PARD3B: variants seen among roughly 807,000 people sequenced by gnomAD.
The protein encoded by PARD3B is partitioning defective 3 homolog B.
In PARD3B, 103 loss-of-function variants were observed where a neutral mutation model predicts 130.2. The ratio of observed to expected loss-of-function variants is 0.79; its 90% CI spans 0.67 to 0.93. The LOEUF (loss-of-function observed/expected upper bound fraction) is 0.93, where lower values mean the gene tolerates loss of function less well. Ranked by LOEUF, PARD3B falls within the 40% of genes least tolerant of loss-of-function variation. The pLI, the probability that PARD3B is intolerant of heterozygous loss-of-function variation, is 0.00. For missense variants in PARD3B, 1,609 were observed against 1,499.2 expected, an observed-to-expected ratio of 1.07 and a Z score of -1.21; for synonymous variants, 583 against 553.2, an observed-to-expected ratio of 1.05 and a Z score of -0.76.
chr2:204,834,937 T>TA (rs980811491), intron 2 of PARD3B, among the ~76,000 whole-genome samples: 18 of 152,368 alleles, frequency 1.2e-4, no homozygotes, highest in African/African-American at 4.3e-4. Flanking sequence ...GCACTAGGTT[T>TA]AGAGCTAGAA....
intron 9 of PARD3B, among the ~76,000 whole-genome samples, chr2:205,124,862 T>A (rs1271907556): frequency 6.6e-6 from 1 of 152,198 alleles, no homozygotes; most frequent in Non-Finnish European, 1.5e-5. Context: ...GTATCTCAGG[T>A]CATTCTATGC....
chr2:204,971,645 G>A (rs985176818), intron 3 of PARD3B, among the ~76,000 whole-genome samples: 1 of 150,688 alleles, frequency 6.6e-6, no homozygotes, highest in African/African-American at 2.4e-5. Context: ...CTCCATGAAG[G>A]CTTAAATGAA....
chr2:205,099,944 A>G (rs1206468328), intron 4 of PARD3B, among the ~76,000 whole-genome samples: 1 of 152,196 alleles, frequency 6.6e-6, no homozygotes, highest in Non-Finnish European at 1.5e-5. Context: ...TAAAGTCTGT[A>G]GTCATTGACA....
At chr2:204,965,047 G>A (rs1214995664) in intron 2 of PARD3B, 105 bp from the exon 3 acceptor site, 4 of 1,042,234 alleles carry the variant, frequency 3.8e-6, no homozygotes, top group Non-Finnish European at 5.5e-6. Context: ...TAAGTTTGAT[G>A]AGGCGATTTT....
At chr2:205,419,999 G>A (rs1171644987) in intron 19 of PARD3B, among the ~76,000 whole-genome samples, 1 of 152,120 alleles carries the variant, frequency 6.6e-6, no homozygotes, top group African/African-American at 2.4e-5. Context: ...CAAGAGATTC[G>A]AACCAAAAGC....
chr2:204,793,870 T>C (rs193086785), intron 2 of PARD3B, among the ~76,000 whole-genome samples: 1 of 152,270 alleles, frequency 6.6e-6, no homozygotes, highest in Non-Finnish European at 1.5e-5. Context: ...CATGTCAAAA[T>C]AAATTTCTGA....
At chr2:205,480,794 A>G (rs2049204844) in intron 20 of PARD3B, among the ~76,000 whole-genome samples, 1 of 152,172 alleles carries the variant, frequency 6.6e-6, no homozygotes. Flanking sequence ...AAGTTGATAC[A>G]TTCAGGGGGT....
At chr2:205,119,161 A>G (rs2030320559) in intron 7 of PARD3B, 115 bp downstream of exon 7, 1 of 1,338,960 alleles carries the variant, frequency 7.5e-7, no homozygotes, top group South Asian at 1.7e-5. Context: ...TTCCCTTTGA[A>G]CGATCCAGGA....
intron 2 of PARD3B, among the ~76,000 whole-genome samples, chr2:204,798,155 A>G (rs2125493347): frequency 6.6e-6 from 1 of 152,292 alleles, no homozygotes; most frequent in South Asian, 2.1e-4. Context: ...GAGGGTAGGA[A>G]GGACAGTCTT....
intron 22 of PARD3B, among the ~76,000 whole-genome samples, chr2:205,565,189 C>T (rs944562994): frequency 6.6e-6 from 1 of 152,090 alleles, no homozygotes; most frequent in Non-Finnish European, 1.5e-5. Context: ...TGTCTGACAG[C>T]CCGGGTTTTA....
intron 1 of PARD3B, among the ~76,000 whole-genome samples, chr2:204,648,642 T>TCATATAAATAA (rs2035361828): frequency 2.6e-5 from 3 of 117,632 alleles, no homozygotes; most frequent in East Asian, 2.2e-4. Context: ...ATAATATATA[T>TCATATAAATAA]TATATATATA....
intron 3 of PARD3B, among the ~76,000 whole-genome samples, chr2:204,966,064 T>G (rs907964945): frequency 3.3e-5 from 5 of 152,208 alleles, no homozygotes; most frequent in African/African-American, 4.8e-5. Context: ...GCACCTGTTA[T>G]GAGGGAATTC....
At chr2:205,104,915 G>T (rs758173933) in intron 5 of PARD3B, among the ~76,000 whole-genome samples, 1 of 152,114 alleles carries the variant, frequency 6.6e-6, no homozygotes, top group Non-Finnish European at 1.5e-5. Flanking sequence ...GTGCTACTTT[G>T]TATTGTGCTT....
intron 21 of PARD3B, among the ~76,000 whole-genome samples, chr2:205,532,696 G>A (rs1055016292): frequency 1.3e-5 from 2 of 152,126 alleles, no homozygotes; most frequent in African/African-American, 2.4e-5. Context: ...AAAATCTGAG[G>A]TGCCAACACA....
intron 4 of PARD3B, among the ~76,000 whole-genome samples, chr2:205,076,146 A>G (rs530506101): frequency 1.2e-4 from 18 of 152,312 alleles, no homozygotes; most frequent in African/African-American, 3.1e-4. Flanking sequence ...TCTGAAGTGC[A>G]GGTTTAGATT....
chr2:204,703,806 G>T (rs960466701), intron 2 of PARD3B, among the ~76,000 whole-genome samples: 25 of 152,146 alleles, frequency 1.6e-4, no homozygotes, highest in African/African-American at 5.1e-4. Context: ...CTATGTTATT[G>T]TATAATTTAT....
rs2046465283 is a variant in PARD3B, at chr2:205,407,921, C to T, written c.2741+6798C>T. 6.6e-6 allele frequency among the ~76,000 whole-genome samples: 1 copy of T among 152,094 alleles called. No homozygotes were observed. The highest frequency in any genetic ancestry group is 1.5e-5 in the Non-Finnish European group (1 of 68,020). ...CATTTGTTGTATTAATTAAACATTG[C>T]TTTCGTAGATCTTACTAGAATCTTA... On this transcript the variant is annotated intron_variant, in intron 19 of 22. Transcript: ENST00000406610. This position sits in a 1 kb window ranked among gnomAD's most constrained non-coding sequence, Gnocchi z 4.1.
intron 18 of PARD3B, among the ~76,000 whole-genome samples, chr2:205,327,306 G>A (rs1382056205): frequency 3.3e-5 from 5 of 151,992 alleles, no homozygotes; most frequent in Admixed American, 1.3e-4. Context: ...CATTTTTATC[G>A]CTAACGGGGA....
intron 18 of PARD3B, among the ~76,000 whole-genome samples, chr2:205,386,749 TTG>T (rs1261856385): frequency 6.6e-6 from 1 of 151,916 alleles, no homozygotes; most frequent in Non-Finnish European, 1.5e-5. Flanking sequence ...GGAAAGAACT[TTG>T]TGCTGAGTTG....
Sources: allele counts gnomAD v4.1 joint callset (sites outside exome capture counted in the v4.1 genomes callset), GRCh38; gene constraint gnomAD v4.1.1; non-coding constraint Gnocchi (gnomAD v3.1); transcripts MANE v1.5; gene names NCBI Gene and HGNC (gene_info 2026-07-23, HGNC 2026-07-21).